TAMM41: variants seen among roughly 807,000 people sequenced by gnomAD.
TAMM41 encodes TAM41 mitochondrial translocator assembly and maintenance homolog, also known as phosphatidate cytidylyltransferase, mitochondrial.
In TAMM41, 36 loss-of-function variants were observed where a neutral mutation model predicts 44.1. That is an observed-to-expected ratio of 0.82 (90% CI 0.63 to 1.08). TAMM41 has a LOEUF of 1.08. Among genes scored for constraint, TAMM41 ranks in the 50% least tolerant of loss-of-function variants. The pLI is 0.00. For synonymous variants in TAMM41, 164 were observed against 153.1 expected (o/e 1.07, Z -0.53); for missense variants, 417 against 404.3 (o/e 1.03, Z -0.27).
the TAMM41 span, among the ~76,000 whole-genome samples, chr3:11,722,704 C>T: frequency 3.3e-5 from 5 of 152,026 alleles, no homozygotes; most frequent in Non-Finnish European, 7.4e-5. Flanking sequence ...GGCGTGGTGG[C>T]TCACACCTGT....
chr3:11,724,974 C>G, the TAMM41 span: 1 of 152,438 alleles, frequency 6.6e-6, no homozygotes, highest in Non-Finnish European at 1.5e-5. Flanking sequence ...GCTTTTGCCC[C>G]CATAGGTAAC....
intron 4 of TAMM41, among the ~76,000 whole-genome samples, chr3:11,818,763 T>G (rs1344631955): frequency 1.3e-5 from 2 of 151,796 alleles, no homozygotes; most frequent in Non-Finnish European, 2.9e-5. Context: ...CCAGACGTGG[T>G]GGCAGGCGCC....
At chr3:11,728,826 T>C in the TAMM41 span, among the ~76,000 whole-genome samples, 1 of 151,992 alleles carries the variant, frequency 6.6e-6, no homozygotes, top group South Asian at 2.1e-4. Context: ...CTGGCCAACA[T>C]AGTGAAACCC....
intron 5 of TAMM41, among the ~76,000 whole-genome samples, chr3:11,813,506 G>A (rs1266023907): frequency 6.6e-6 from 1 of 152,008 alleles, no homozygotes; most frequent in African/African-American, 2.4e-5. Flanking sequence ...CTCCAGCCTG[G>A]GCAACAAAGA....
chr3:11,790,525 ACC>A lies in TAMM41; in HGVS notation c.992_993del (p.Gly331ValfsTer19). 1 of 1,614,132 alleles carries A rather than the reference ACC, an allele frequency of 6.2e-7. No homozygotes were observed. The highest frequency in any genetic ancestry group is 8.5e-7 in the Non-Finnish European group (1 of 1,179,988). On this transcript the variant is annotated frameshift_variant, in exon 8 of 8. Transcript: ENST00000455809. LOFTEE classifies it high-confidence loss of function. ...SSLKLHKMWK[G>X]WLRKTS ...CAAAATCAGGATGTTTTCCTCAGCCACCCTTTCCACATTTTGTGCAGTTTTAG... is the reference window on the plus strand; with the variant it reads ...CAAAATCAGGATGTTTTCCTCAGCCACTTTCCACATTTTGTGCAGTTTTAG...
the TAMM41 span, among the ~76,000 whole-genome samples, chr3:11,780,294 C>A: frequency 6.6e-6 from 1 of 152,206 alleles, no homozygotes; most frequent in Non-Finnish European, 1.5e-5. Flanking sequence ...CTTGAACTAA[C>A]TTTAGTTCCC....
chr3:11,805,032 A>G (rs1228188170), intron 7 of TAMM41, among the ~76,000 whole-genome samples: 3 of 124,648 alleles, frequency 2.4e-5, no homozygotes, highest in East Asian at 2.2e-4. Flanking sequence ...TTTGAGACGA[A>G]GTCTCACTCT....
intron 3 of TAMM41, among the ~76,000 whole-genome samples, chr3:11,834,517 T>C (rs2079100119): frequency 1.3e-5 from 2 of 152,318 alleles, no homozygotes; most frequent in Non-Finnish European, 2.9e-5. Context: ...ACACTTTAAA[T>C]TCCATGATTT....
At chr3:11,790,161 C>T (rs1418347902), downstream of TAMM41, among the ~76,000 whole-genome samples, 1 of 152,186 alleles carries the variant, frequency 6.6e-6, no homozygotes, top group Non-Finnish European at 1.5e-5. Context: ...GAAAGTCAAG[C>T]TTCCACACCC....
the TAMM41 span, among the ~76,000 whole-genome samples, chr3:11,772,226 A>T: frequency 2.1e-5 from 3 of 145,234 alleles, no homozygotes; most frequent in African/African-American, 7.7e-5. Flanking sequence ...GCCTGCCACC[A>T]CAGCTGGCTA....
intron 7 of TAMM41, among the ~76,000 whole-genome samples, chr3:11,804,526 C>G (rs1269829375): frequency 6.6e-6 from 1 of 152,164 alleles, no homozygotes; most frequent in African/African-American, 2.4e-5. Flanking sequence ...ATTGTCACAA[C>G]TGAAAAATAA....
chr3:11,822,566 G>A (rs145061809), intron 4 of TAMM41, among the ~76,000 whole-genome samples: 28 of 152,322 alleles, frequency 1.8e-4, no homozygotes, highest in African/African-American at 5.5e-4. Flanking sequence ...CTAGACAATG[G>A]AGATCCAGGT....
chr3:11,816,862 G>A (rs2078299346), intron 5 of TAMM41, among the ~76,000 whole-genome samples: 1 of 152,134 alleles, frequency 6.6e-6, no homozygotes, highest in East Asian at 1.9e-4. Flanking sequence ...GGGATGGAAT[G>A]AGAGTGATCT....
At chr3:11,781,899 T>C in the TAMM41 span, among the ~76,000 whole-genome samples, 171 of 152,184 alleles carry the variant, frequency 1.1e-3, 1 homozygote, top group African/African-American at 4.0e-3. Flanking sequence ...GTTTAGATGG[T>C]TTTAAAGTTT....
chr3:11,813,461 C>T (rs974919080), intron 5 of TAMM41, among the ~76,000 whole-genome samples: 7 of 152,116 alleles, frequency 4.6e-5, no homozygotes, highest in Non-Finnish European at 7.4e-5. Context: ...ACTTGGGAGG[C>T]GGAGGTTGCA....
At chr3:11,750,987 G>T in the TAMM41 span, among the ~76,000 whole-genome samples, 2 of 151,746 alleles carry the variant, frequency 1.3e-5, no homozygotes, top group African/African-American at 4.8e-5. Context: ...ATAAGACATC[G>T]TCCAGGGAGC....
downstream of TAMM41, among the ~76,000 whole-genome samples, chr3:11,788,999 C>G (rs552956930): frequency 3.3e-4 from 50 of 151,906 alleles, no homozygotes; most frequent in African/African-American, 1.2e-3. Flanking sequence ...AAAATAATAA[C>G]AAAACCAATA....
At chr3:11,732,784 A>G in the TAMM41 span, among the ~76,000 whole-genome samples, 1 of 152,054 alleles carries the variant, frequency 6.6e-6, no homozygotes, top group Non-Finnish European at 1.5e-5. Flanking sequence ...AGCAAGCACA[A>G]AGACTCTGGG....
downstream of TAMM41, among the ~76,000 whole-genome samples, chr3:11,789,125 T>C (rs1363839257): frequency 6.6e-6 from 1 of 152,186 alleles, no homozygotes; most frequent in Non-Finnish European, 1.5e-5. Flanking sequence ...AGGTCTGTAA[T>C]GTTATTTCCA....
Sources: allele counts gnomAD v4.1 joint callset (sites outside exome capture counted in the v4.1 genomes callset), GRCh38; gene constraint gnomAD v4.1.1; transcripts MANE v1.5; gene names NCBI Gene and HGNC (gene_info 2026-07-23, HGNC 2026-07-21).